BTC: variants seen among roughly 807,000 people sequenced by gnomAD.
The protein encoded by BTC is probetacellulin.
A neutral mutation model predicts 18.1 loss-of-function variants in BTC; 13 were observed. That is an observed-to-expected ratio of 0.72 (90% CI 0.47 to 1.14). The LOEUF (loss-of-function observed/expected upper bound fraction) is 1.14, where lower values mean the gene tolerates loss of function less well. BTC is among the 50% of genes most tolerant of loss of function. The probability of loss-of-function intolerance (pLI) is 0.00; values close to 1 mark genes in which losing one functional copy is unlikely to be tolerated. For missense variants in BTC, 247 were observed against 224.2 expected, an observed-to-expected ratio of 1.10 and a Z score of -0.65; for synonymous variants, 83 against 79.4, an observed-to-expected ratio of 1.05 and a Z score of -0.24.
rs1359356735 is a variant in BTC, at chr4:74,770,224, T to A, written c.65-68A>T. 4.1e-6 allele frequency: 5 copies of A among 1,234,158 alleles called. No homozygotes were observed. In the East Asian group the frequency reaches 7.1e-5, roughly 18 times the overall value. The allele number at this position is 1,234,158 out of a possible 1,614,324, so 76.5% of individuals were successfully genotyped here. ...CTTATTGTGAAACAGTCTATCAAAG[T>A]CATCACCCATTTCACCCATTTATGA... On this transcript the variant is annotated intron_variant, in intron 1 of 5. Transcript: ENST00000395743.
chr4:74,751,217 G>A (rs974073264), intron 3 of BTC, among the ~76,000 whole-genome samples: 1 of 152,114 alleles, frequency 6.6e-6, no homozygotes, highest in East Asian at 1.9e-4. Context: ...TTCCATAAAC[G>A]TTAGATAGAG....
At chr4:74,778,776 G>A (rs960534564) in intron 1 of BTC, among the ~76,000 whole-genome samples, 2 of 152,166 alleles carry the variant, frequency 1.3e-5, no homozygotes, top group Non-Finnish European at 2.9e-5. Flanking sequence ...TTTTATCCAA[G>A]TCTCAAAGTG....
chr4:74,786,457 A>G (rs926528292), intron 1 of BTC, among the ~76,000 whole-genome samples: 14 of 152,256 alleles, frequency 9.2e-5, no homozygotes, highest in Admixed American at 5.2e-4. Context: ...TCTCAACACT[A>G]ACAACTCAGG....
intron 1 of BTC, among the ~76,000 whole-genome samples, 187 bp from the exon 2 acceptor site, chr4:74,770,343 A>T (rs1725006466): frequency 6.6e-6 from 1 of 152,242 alleles, no homozygotes; most frequent in South Asian, 2.1e-4. Flanking sequence ...TCATTGCTAA[A>T]GAATGAATTT....
At chr4:74,771,139 T>C (rs1725028607) in intron 1 of BTC, among the ~76,000 whole-genome samples, 1 of 151,874 alleles carries the variant, frequency 6.6e-6, no homozygotes, top group Admixed American at 6.6e-5. Context: ...TGTTTAAACA[T>C]GTCCATAATA....
At chr4:74,771,280 C>T (rs1459127102) in intron 1 of BTC, among the ~76,000 whole-genome samples, 3 of 152,136 alleles carry the variant, frequency 2.0e-5, no homozygotes, top group Non-Finnish European at 2.9e-5. Context: ...GCACTTAACA[C>T]GGTGCTGGTA....
chr4:74,748,467 C>T (rs1402658518), intron 4 of BTC, among the ~76,000 whole-genome samples: 2 of 151,514 alleles, frequency 1.3e-5, no homozygotes, highest in Admixed American at 6.6e-5. Flanking sequence ...ACCCGGGAGG[C>T]GGAGCTTGCA....
At chr4:74,754,892 G>A (rs913676848) in intron 3 of BTC, among the ~76,000 whole-genome samples, 1 of 149,732 alleles carries the variant, frequency 6.7e-6, no homozygotes, top group Non-Finnish European at 1.5e-5. Flanking sequence ...TCCAAGCCAG[G>A]GAGCAATTAA....
At chr4:74,780,378 T>C (rs999777605) in intron 1 of BTC, among the ~76,000 whole-genome samples, 1 of 152,194 alleles carries the variant, frequency 6.6e-6, no homozygotes, top group South Asian at 2.1e-4. Flanking sequence ...CTTCGTTATG[T>C]TTCTGCAAAG....
At chr4:74,748,008 T>C (rs782593011) in intron 5 of BTC, 32 bp downstream of exon 5, 1 of 1,276,658 alleles carries the variant, frequency 7.8e-7, no homozygotes, top group Admixed American at 1.9e-5. Context: ...GTCACCTGAA[T>C]AGTTTTCTAT....
At chr4:74,755,645 A>G (rs1052179452) in intron 3 of BTC, among the ~76,000 whole-genome samples, 1 of 152,204 alleles carries the variant, frequency 6.6e-6, no homozygotes, top group African/African-American at 2.4e-5. Context: ...GTGGAGCTGG[A>G]CTCTCACATA....
chr4:74,745,350 T>C lies in BTC; in HGVS notation c.*1327A>G, dbSNP rs1477834923. On this transcript the variant is annotated 3_prime_UTR_variant, in exon 6 of 6. Coordinates refer to ENST00000395743, the MANE Select transcript of BTC (RefSeq NM_001729.4). Reference sequence around the variant, plus strand: ...CATTTGTCTGAATTCTCCACTTCACTATGGAATCTACATTGCAAAGTAAAA... The same window carrying C: ...CATTTGTCTGAATTCTCCACTTCACCATGGAATCTACATTGCAAAGTAAAA... 1.3e-5 allele frequency: 2 copies of C among 152,210 alleles called. No individual in the cohort carries two copies. The highest frequency in any genetic ancestry group is 6.5e-5 in the Admixed American group (1 of 15,284). 9.4% of individuals were successfully genotyped at this position (152,210 alleles called of 1,614,324 possible). A position where few individuals can be genotyped will look rare whatever the true frequency, so the allele number is the denominator to read the frequency against.
At chr4:74,749,182 C>A in intron 4 of BTC, among the ~76,000 whole-genome samples, 1 of 152,024 alleles carries the variant, frequency 6.6e-6, no homozygotes, top group East Asian at 1.9e-4. Flanking sequence ...GTAATCCCAG[C>A]ACTTTGGGAT....
intron 1 of BTC, among the ~76,000 whole-genome samples, chr4:74,771,028 G>A (rs922847257): frequency 2.6e-5 from 4 of 151,644 alleles, no homozygotes; most frequent in South Asian, 2.1e-4. Flanking sequence ...AAGAAGTGAC[G>A]AAAAGGCATG....
chr4:74,751,952 T>C (rs1724471936), intron 3 of BTC, among the ~76,000 whole-genome samples: 3 of 152,238 alleles, frequency 2.0e-5, no homozygotes. Context: ...GATTAAATTC[T>C]GCTCCTTAGA....
At chr4:74,767,054 C>A (rs60799154) in intron 2 of BTC, among the ~76,000 whole-genome samples, 2 of 151,562 alleles carry the variant, frequency 1.3e-5, no homozygotes, top group Non-Finnish European at 2.9e-5. Context: ...TGCAACATAG[C>A]GCAGGAAGTC....
intron 2 of BTC, among the ~76,000 whole-genome samples, chr4:74,758,962 C>A (rs1553957031): frequency 6.6e-6 from 1 of 152,116 alleles, no homozygotes; most frequent in Non-Finnish European, 1.5e-5. Context: ...CACACACACA[C>A]ACACATACAC....
intron 1 of BTC, among the ~76,000 whole-genome samples, chr4:74,771,144 A>T (rs1381521889): frequency 6.6e-6 from 1 of 152,048 alleles, no homozygotes; most frequent in Non-Finnish European, 1.5e-5. Context: ...AAACATGTCC[A>T]TAATAATAGG....
At chr4:74,788,089 A>C (rs1381740976) in intron 1 of BTC, among the ~76,000 whole-genome samples, 1 of 152,174 alleles carries the variant, frequency 6.6e-6, no homozygotes, top group East Asian at 1.9e-4. Context: ...AAAAGCATGA[A>C]TTTGTCTAAA....
Sources: gnomAD v4.1 joint callset for allele counts (sites outside exome capture counted in the v4.1 genomes callset) on GRCh38, gnomAD v4.1.1 for gene constraint, MANE v1.5 for transcripts, NCBI Gene and HGNC (gene_info 2026-07-23, HGNC 2026-07-21) for gene names.